Variants in ITPR2 observed in about 807,000 individuals in gnomAD.
ITPR2 encodes inositol 1,4,5-trisphosphate receptor type 2.
Under a neutral mutation model 317.1 loss-of-function variants are expected in ITPR2, and 207 were observed. That is an observed-to-expected ratio of 0.65 (90% CI 0.58 to 0.73). ITPR2 has a LOEUF of 0.73. ITPR2 is among the 30% of genes least tolerant of loss of function. ITPR2 has a pLI of 0.00. For synonymous variants in ITPR2, 1,156 were observed against 1,149.1 expected, an observed-to-expected ratio of 1.01 and a Z score of -0.12; for missense variants, 2,613 against 3,284.0, an observed-to-expected ratio of 0.80 and a Z score of 4.99.
chr12:26,405,603 C>T (rs1166869376), intron 52 of ITPR2, among the ~76,000 whole-genome samples: 3 of 152,122 alleles, frequency 2.0e-5, no homozygotes, highest in Admixed American at 6.5e-5. Flanking sequence ...GCTTGAATAA[C>T]GGTATTTAAT....
chr12:26,632,069 G>A lies in ITPR2; in HGVS notation c.2741-10C>T, dbSNP rs770630527. 2.6e-5 allele frequency: 39 copies of A among 1,523,556 alleles called. No homozygotes were observed. Among genetic ancestry groups the A allele is most frequent in the Non-Finnish European group, 3.3e-5 (37 of 1,136,580 alleles). 94.4% of individuals were successfully genotyped at this position (1,523,556 alleles called of 1,614,324 possible). ...CTCATCACATTGTTTCCTGGCATGA[G>A]AAAATGCCGTAAGTCAACACACACA... On this transcript the variant is annotated splice_polypyrimidine_tract_variant and intron_variant, in intron 21 of 56. Coordinates refer to ENST00000381340, the MANE Select transcript of ITPR2 (RefSeq NM_002223.4).
At chr12:26,511,324 C>T (rs1316627043) in intron 37 of ITPR2, among the ~76,000 whole-genome samples, 1 of 152,226 alleles carries the variant, frequency 6.6e-6, no homozygotes. Flanking sequence ...GTTTCTGACA[C>T]CCCTCCCCTA....
At chr12:26,714,295 G>T (rs1051500184) in intron 8 of ITPR2, among the ~76,000 whole-genome samples, 3 of 151,906 alleles carry the variant, frequency 2.0e-5, no homozygotes, top group Non-Finnish European at 2.9e-5. Context: ...CCTAACACTG[G>T]TTATCATTCA....
At chr12:26,757,601 C>T (rs946063768) in intron 2 of ITPR2, among the ~76,000 whole-genome samples, 24 of 152,132 alleles carry the variant, frequency 1.6e-4, no homozygotes, top group Admixed American at 1.2e-3. Flanking sequence ...GTCCAAGAAC[C>T]CTCTCTTGGG....
intron 37 of ITPR2, among the ~76,000 whole-genome samples, chr12:26,516,866 A>C (rs1943535631): frequency 6.6e-6 from 1 of 152,114 alleles, no homozygotes; most frequent in African/African-American, 2.4e-5. Flanking sequence ...AAATCTCTTC[A>C]AAAGTTAAAA....
intron 22 of ITPR2, among the ~76,000 whole-genome samples, chr12:26,629,632 C>T (rs1442898297): frequency 2.0e-5 from 3 of 151,640 alleles, no homozygotes; most frequent in South Asian, 4.2e-4. Flanking sequence ...TCTTTTTTAA[C>T]GCAGCTTTCA....
intron 50 of ITPR2, among the ~76,000 whole-genome samples, chr12:26,415,883 T>G (rs1940704963): frequency 6.6e-6 from 1 of 152,218 alleles, no homozygotes; most frequent in African/African-American, 2.4e-5. Context: ...CTGCAGTTAC[T>G]TCTGGAATAT....
intron 37 of ITPR2, among the ~76,000 whole-genome samples, chr12:26,523,162 T>A (rs1943711345): frequency 6.6e-6 from 1 of 152,220 alleles, no homozygotes; most frequent in South Asian, 2.1e-4. Flanking sequence ...ATCCTCAACT[T>A]CTTTACCAAG....
At chr12:26,695,457 A>G in intron 10 of ITPR2, 149 bp downstream of exon 10, 1 of 629,896 alleles carries the variant, frequency 1.6e-6, no homozygotes, top group South Asian at 2.1e-5. Context: ...AATCTAAGCC[A>G]TATCATCTTT....
At chr12:26,355,881 T>A (rs1330758582) in intron 55 of ITPR2, among the ~76,000 whole-genome samples, 1 of 152,164 alleles carries the variant, frequency 6.6e-6, no homozygotes, top group Non-Finnish European at 1.5e-5. Flanking sequence ...AAATTCAAAG[T>A]TGGATGAAGG....
In ITPR2 at chr12:26,507,857, C is replaced by CTGTG. The variant is rs369130996; in HGVS notation, c.5074-12598_5074-12597insCACA. On this transcript the variant is annotated intron_variant, in intron 37 of 56. Coordinates refer to ENST00000381340, the MANE Select transcript of ITPR2 (RefSeq NM_002223.4). ...TGAATATCTCTCTACTCTTCTCTCTCTGTCTCTGTGTGTGTGTGTGTGTGT... is the reference window on the plus strand; with the variant it reads ...TGAATATCTCTCTACTCTTCTCTCTCTGTGTGTCTCTGTGTGTGTGTGTGTGTGT... Among the ~76,000 whole-genome samples, 631 of 88,322 alleles carry CTGTG rather than the reference C, an allele frequency of 7.1e-3. 2 individuals are homozygous for CTGTG. Among genetic ancestry groups the CTGTG allele is most frequent in the African/African-American group, 0.02 (588 of 29,706 alleles). The allele number at this position is 88,322 out of a possible 152,430, so 57.9% of individuals were successfully genotyped here.
In ITPR2 at chr12:26,724,649, T is replaced by C; in HGVS notation, c.366+7A>G. 6.6e-7 allele frequency: 1 copy of C among 1,516,950 alleles called. No homozygotes were observed. Among genetic ancestry groups the C allele is most frequent in the Non-Finnish European group, 9.1e-7 (1 of 1,096,354 alleles). 94.0% of individuals were successfully genotyped at this position (1,516,950 alleles called of 1,614,324 possible). A position where few individuals can be genotyped will look rare whatever the true frequency, so the allele number is the denominator to read the frequency against. On this transcript the variant is annotated splice_region_variant and intron_variant, in intron 4 of 56. Coordinates refer to ENST00000381340, the MANE Select transcript of ITPR2 (RefSeq NM_002223.4). ...AATACTCACCTCGTTTAAGAGAAAA[T>C]ACTTACTTGTATAACATTACTGTAT...
intron 8 of ITPR2, among the ~76,000 whole-genome samples, chr12:26,714,401 A>C (rs1377312955): frequency 6.6e-6 from 1 of 152,158 alleles, no homozygotes; most frequent in Non-Finnish European, 1.5e-5. Flanking sequence ...ATCCAAACAT[A>C]TCCATCCAAG....
chr12:26,420,082 A>G (rs939545240), intron 49 of ITPR2, among the ~76,000 whole-genome samples: 5 of 152,188 alleles, frequency 3.3e-5, no homozygotes, highest in Non-Finnish European at 7.4e-5. Context: ...TTTGGAATGT[A>G]GAAATTTATA....
intron 36 of ITPR2, among the ~76,000 whole-genome samples, 190 bp downstream of exon 36, chr12:26,556,043 C>G (rs988796418): frequency 6.6e-6 from 1 of 152,156 alleles, no homozygotes; most frequent in Admixed American, 6.5e-5. Flanking sequence ...AATATGATAA[C>G]TTGACCTTCA....
At chr12:26,802,140 A>G (rs771072176) in intron 1 of ITPR2, among the ~76,000 whole-genome samples, 10 of 152,112 alleles carry the variant, frequency 6.6e-5, no homozygotes, top group Non-Finnish European at 1.3e-4. Context: ...GTCTCTACAA[A>G]AAATTTAAAA....
chr12:26,556,171 G>C, intron 36 of ITPR2, 62 bp downstream of exon 36: 1 of 1,550,650 alleles, frequency 6.4e-7, no homozygotes, highest in Non-Finnish European at 8.8e-7. Context: ...GTATAAAGCG[G>C]AAATGTTAGA....
At chr12:26,485,348 A>AT (rs575676892) in intron 41 of ITPR2, among the ~76,000 whole-genome samples, 161 of 152,364 alleles carry the variant, frequency 1.1e-3, no homozygotes, top group African/African-American at 3.6e-3. Flanking sequence ...TCCTACCAGT[A>AT]AACTGTTCAA....
At chr12:26,369,896 AC>A (rs1258740960) in intron 55 of ITPR2, among the ~76,000 whole-genome samples, 1 of 152,274 alleles carries the variant, frequency 6.6e-6, no homozygotes, top group East Asian at 1.9e-4. Context: ...AATCATGCCT[AC>A]GTAATGAAAC....
Sources: allele counts gnomAD v4.1 joint callset (sites outside exome capture counted in the v4.1 genomes callset), GRCh38; gene constraint gnomAD v4.1.1; transcripts MANE v1.5; gene names NCBI Gene and HGNC (gene_info 2026-07-23, HGNC 2026-07-21).